The following MYO18B variants were observed in gnomAD, a reference collection of about 807,000 sequenced individuals.
The protein encoded by MYO18B is myosin XVIIIB, also known as unconventional myosin-XVIIIb.
MYO18B carries 204 observed loss-of-function variants against 273.0 expected under a neutral mutation model. The observed-to-expected ratio is 0.75, with a 90% CI of 0.67 to 0.84. The LOEUF is 0.84. MYO18B is among the 40% of genes least tolerant of loss of function. The probability of loss-of-function intolerance (pLI) is 0.00; values close to 1 mark genes in which losing one functional copy is unlikely to be tolerated. For synonymous variants in MYO18B, 1,330 were observed against 1,305.7 expected, an observed-to-expected ratio of 1.02 and a Z score of -0.40; for missense variants, 3,212 against 3,287.6, an observed-to-expected ratio of 0.98 and a Z score of 0.56.
intron 1 of MYO18B, among the ~76,000 whole-genome samples, chr22:25,748,983 C>A (rs2085860211): frequency 6.6e-6 from 1 of 152,160 alleles, no homozygotes; most frequent in South Asian, 2.1e-4. Context: ...CTGTGGATGG[C>A]AATAGATAGC....
the MYO18B span, among the ~76,000 whole-genome samples, chr22:26,063,680 G>T: frequency 4.6e-5 from 7 of 152,170 alleles, no homozygotes; most frequent in African/African-American, 1.7e-4. Context: ...TCCAAAGTTT[G>T]CCCCTCAACA....
chr22:25,768,821 T>C lies in MYO18B; in HGVS notation c.905T>C (p.Val302Ala), dbSNP rs1431431914. The change falls in exon 4 of 44, where the codon GTA becomes GCA. Residue 302 changes from valine (V) to alanine (A), a missense_variant. Transcript: ENST00000335473. The part of the protein sequence containing the change: ...TVEKGNVSKD[V>A]GSEGKHVRPQ... ...GAAAAGGGGAATGTCTCTAAGGACG[T>C]AGGGAGTGAAGGGAAGCACGTAAGG... The C allele has an allele frequency of 1.2e-6, 2 of 1,611,340 alleles. No individual in the cohort carries two copies. Among genetic ancestry groups the C allele is most frequent in the African/African-American group, 2.7e-5 (2 of 74,994 alleles).
chr22:25,922,411 G>T (rs1177307863), intron 34 of MYO18B, among the ~76,000 whole-genome samples: 2 of 152,144 alleles, frequency 1.3e-5, no homozygotes, highest in Non-Finnish European at 2.9e-5. Flanking sequence ...CCACAGGGTG[G>T]TGCAAGCCTT....
At chr22:25,766,153 G>A (rs1310611615) in intron 3 of MYO18B, among the ~76,000 whole-genome samples, 1 of 151,998 alleles carries the variant, frequency 6.6e-6, no homozygotes, top group South Asian at 2.1e-4. Context: ...CTAATATGCC[G>A]CAGTTCAAGG....
intron 2 of MYO18B, among the ~76,000 whole-genome samples, chr22:25,761,379 A>T (rs2086310739): frequency 6.6e-6 from 1 of 151,402 alleles, no homozygotes; most frequent in East Asian, 2.0e-4. Context: ...CCTGTTCCAC[A>T]GGTGGTGGTG....
intron 42 of MYO18B, among the ~76,000 whole-genome samples, chr22:26,019,421 T>C (rs1192956015): frequency 6.6e-6 from 1 of 152,252 alleles, no homozygotes; most frequent in Non-Finnish European, 1.5e-5. Context: ...CAATATCTGC[T>C]TTAGAGGACT....
At chr22:25,958,087 G>A (rs2092875413) in intron 39 of MYO18B, among the ~76,000 whole-genome samples, 1 of 151,838 alleles carries the variant, frequency 6.6e-6, no homozygotes, top group Non-Finnish European at 1.5e-5. Context: ...GCTAATTTTT[G>A]TATTTTTAGT....
intron 31 of MYO18B, among the ~76,000 whole-genome samples, chr22:25,907,223 C>T (rs2092061956): frequency 1.3e-5 from 2 of 152,240 alleles, no homozygotes; most frequent in South Asian, 2.1e-4. Context: ...TCATGCAGAT[C>T]AGGAAAGTGA....
intron 39 of MYO18B, among the ~76,000 whole-genome samples, chr22:25,985,393 A>C (rs1408832944): frequency 6.6e-6 from 1 of 152,148 alleles, no homozygotes; most frequent in Non-Finnish European, 1.5e-5. Context: ...AAAAGAAAAA[A>C]ATAGAATAAT....
At chr22:25,827,027 A>G (rs1006013060) in intron 14 of MYO18B, among the ~76,000 whole-genome samples, 14 of 152,200 alleles carry the variant, frequency 9.2e-5, no homozygotes, top group Admixed American at 8.5e-4. Flanking sequence ...GCGCCACCAC[A>G]CTCTAGCCTG....
chr22:26,006,769 A>T (rs1041497840), intron 42 of MYO18B, among the ~76,000 whole-genome samples: 8 of 152,116 alleles, frequency 5.3e-5, no homozygotes, highest in Admixed American at 6.6e-5. Context: ...TAATGTGGTG[A>T]TGCACAAGCC....
At chr22:25,990,615 A>T (rs1200104169) in intron 39 of MYO18B, among the ~76,000 whole-genome samples, 1 of 132,396 alleles carries the variant, frequency 7.6e-6, no homozygotes, top group East Asian at 2.7e-4. Flanking sequence ...TGGACCCGGG[A>T]GGTGGAGGTT....
Position 25,790,010 on chromosome 22 carries a change from G to A in MYO18B, c.2376+4519G>A, listed in dbSNP as rs569818916. Among the ~76,000 whole-genome samples the A allele has an allele frequency of 6.8e-3, 1,031 of 152,108 alleles. 17 individuals carry two copies. Among genetic ancestry groups the A allele is most frequent in the African/African-American group, 0.024 (983 of 41,502 alleles). On this transcript the variant is annotated intron_variant, in intron 11 of 43. Transcript: ENST00000335473. ...TCTACTAAAAATACAAAAATTAGCC[G>A]GACGTGGTGGCGGGTGCCTGTAATC... is the stretch of plus-strand genomic sequence containing the variant.
chr22:26,016,018 C>G (rs1935300018), intron 42 of MYO18B, among the ~76,000 whole-genome samples: 1 of 152,210 alleles, frequency 6.6e-6, no homozygotes. Flanking sequence ...AATTTCCATT[C>G]AGTTAAAGCT....
At chr22:25,762,983 G>C in intron 2 of MYO18B, 1 of 669,624 alleles carries the variant, frequency 1.5e-6, no homozygotes, top group Admixed American at 1.8e-5. Flanking sequence ...AAGGAGAGTG[G>C]ATCCAGGCAG....
At chr22:25,868,924 A>G (rs952649354) in intron 22 of MYO18B, among the ~76,000 whole-genome samples, 3 of 152,180 alleles carry the variant, frequency 2.0e-5, no homozygotes, top group Non-Finnish European at 4.4e-5. Flanking sequence ...ACAGAATTTC[A>G]CACTTCCCCG....
Position 25,789,334 on chromosome 22 carries a change from A to T in MYO18B, c.2376+3843A>T, listed in dbSNP as rs984865150. ...TTTAATGAAGCATCTGTTTAAAAAA[A>T]AAACAAAAAACTAAATTATGGCTGG... On this transcript the variant is annotated intron_variant, in intron 11 of 43. Transcript: ENST00000335473. Among the ~76,000 whole-genome samples the T allele has an allele frequency of 1.2e-4, 19 of 152,294 alleles. No homozygotes were observed. The East Asian group carries it at 3.7e-3, about 29-fold the overall frequency.
chr22:25,842,107 C>A (rs1333345251), intron 17 of MYO18B, among the ~76,000 whole-genome samples: 2 of 152,212 alleles, frequency 1.3e-5, no homozygotes, highest in Non-Finnish European at 2.9e-5. Context: ...CTCTAAGCAG[C>A]CACACAGGTG....
At chr22:25,869,437 A>G (rs1384174517) in intron 22 of MYO18B, among the ~76,000 whole-genome samples, 1 of 140,484 alleles carries the variant, frequency 7.1e-6, no homozygotes, top group Non-Finnish European at 1.5e-5. Context: ...GCAATAGAAC[A>G]ATACTGTGTC....
Sources: allele counts gnomAD v4.1 joint callset (sites outside exome capture counted in the v4.1 genomes callset), GRCh38; gene constraint gnomAD v4.1.1; transcripts MANE v1.5; gene names NCBI Gene and HGNC (gene_info 2026-07-23, HGNC 2026-07-21).